Variants in TBCK observed in about 807,000 individuals in gnomAD.
The protein encoded by TBCK is TBC domain-containing protein kinase-like protein.
TBCK carries 99 observed loss-of-function variants against 113.4 expected under a neutral mutation model. That is an observed-to-expected ratio of 0.87 (90% CI 0.74 to 1.03). The LOEUF (loss-of-function observed/expected upper bound fraction) is 1.03, where lower values mean the gene tolerates loss of function less well. Among genes scored for constraint, TBCK ranks in the 50% least tolerant of loss-of-function variants. The pLI is 0.00. For missense variants in TBCK, 1,045 were observed against 1,061.3 expected (o/e 0.98, Z 0.21); for synonymous variants, 369 against 370.8 (o/e 1.00, Z 0.05).
chr4:106,110,761 A>G (rs1465568038), intron 24 of TBCK, among the ~76,000 whole-genome samples: 1 of 152,124 alleles, frequency 6.6e-6, no homozygotes, highest in Non-Finnish European at 1.5e-5. Flanking sequence ...AAGGGAAGGG[A>G]GGAAGAACTG....
chr4:106,258,207 T>C (rs1417286891), intron 5 of TBCK, among the ~76,000 whole-genome samples: 1 of 152,062 alleles, frequency 6.6e-6, no homozygotes, highest in Non-Finnish European at 1.5e-5. Flanking sequence ...ACCAGAACTT[T>C]GCTGTGAGTA....
intron 3 of TBCK, among the ~76,000 whole-genome samples, chr4:106,262,734 C>T (rs1405291473): frequency 1.3e-5 from 2 of 151,852 alleles, no homozygotes; most frequent in Non-Finnish European, 2.9e-5. Context: ...TAATTCTTAT[C>T]CTATCCTCTA....
chr4:106,235,565 T>A (rs1293535753), intron 14 of TBCK, among the ~76,000 whole-genome samples, 198 bp from the exon 15 acceptor site: 1 of 151,966 alleles, frequency 6.6e-6, no homozygotes, highest in African/African-American at 2.4e-5. Flanking sequence ...CTTGAAAAAC[T>A]CGTATTATAT....
At chr4:106,214,446 CA>C (rs1422686217) in intron 19 of TBCK, among the ~76,000 whole-genome samples, 9 of 151,398 alleles carry the variant, frequency 5.9e-5, no homozygotes, top group African/African-American at 2.2e-4. Flanking sequence ...AAACCAAAGG[CA>C]AAGAAGTTGA....
chr4:106,092,927 A>G lies in TBCK; in HGVS notation c.2571+2555T>C, dbSNP rs191941884. Among the ~76,000 whole-genome samples, 232 of 152,208 alleles carry G rather than the reference A, an allele frequency of 1.5e-3. 1 individual carries two copies. The highest frequency in any genetic ancestry group is 5.2e-3 in the African/African-American group (215 of 41,480). ...GGTGCCAAGAGTGAGCGAGGGCTGC[A>G]AGGGCTGCCAGCATGCTGTCACCTC... On this transcript the variant is annotated intron_variant, in intron 25 of 25. Coordinates refer to ENST00000394708, the MANE Select transcript of TBCK (RefSeq NM_001163435.3).
At chr4:106,220,729 C>G (rs1168008827) in intron 19 of TBCK, among the ~76,000 whole-genome samples, 1 of 152,132 alleles carries the variant, frequency 6.6e-6, no homozygotes, top group African/African-American at 2.4e-5. Context: ...AAAAAAGGTA[C>G]AATTTACATC....
intron 19 of TBCK, among the ~76,000 whole-genome samples, chr4:106,217,349 T>G (rs917365073): frequency 3.3e-5 from 5 of 152,074 alleles, no homozygotes; most frequent in African/African-American, 1.2e-4. Flanking sequence ...TTCAACATAG[T>G]GTTGGAAGTT....
intron 21 of TBCK, 48 bp from the exon 22 acceptor site, chr4:106,193,818 T>C: frequency 8.0e-7 from 1 of 1,247,756 alleles, no homozygotes; most frequent in East Asian, 2.6e-5. Context: ...AAAATAACAA[T>C]TAAAACAATA....
intron 23 of TBCK, among the ~76,000 whole-genome samples, chr4:106,159,914 T>C (rs374839622): frequency 7.9e-5 from 12 of 152,116 alleles, no homozygotes; most frequent in African/African-American, 2.9e-4. Context: ...AGTATGATAC[T>C]GGCATAAAGG....
chr4:106,101,887 A>G (rs566006792), intron 24 of TBCK, among the ~76,000 whole-genome samples: 1 of 152,338 alleles, frequency 6.6e-6, no homozygotes, highest in African/African-American at 2.4e-5. Context: ...TTGCTTGTGT[A>G]TTACCATGGA....
At chr4:106,204,802 A>C (rs1247842706) in intron 20 of TBCK, among the ~76,000 whole-genome samples, 1 of 119,026 alleles carries the variant, frequency 8.4e-6, no homozygotes, top group African/African-American at 3.3e-5. Flanking sequence ...TCTGTCGCCC[A>C]GGCCGGACTG....
chr4:106,105,885 C>T (rs1742091383), intron 24 of TBCK, among the ~76,000 whole-genome samples: 1 of 152,148 alleles, frequency 6.6e-6, no homozygotes, highest in African/African-American at 2.4e-5. Flanking sequence ...ATCAGTCCTC[C>T]AACAAGAGTT....
At chr4:106,249,035 C>A in intron 7 of TBCK, 53 bp from the exon 8 acceptor site, 1 of 1,336,040 alleles carries the variant, frequency 7.5e-7, no homozygotes, top group Non-Finnish European at 1.0e-6. Context: ...ATCTGTCCAA[C>A]AAACCAGAAA....
intron 23 of TBCK, among the ~76,000 whole-genome samples, chr4:106,156,310 C>T (rs1272866041): frequency 6.6e-6 from 1 of 152,172 alleles, no homozygotes; most frequent in South Asian, 2.1e-4. Flanking sequence ...TGGTACCACA[C>T]TGAATCAGAC....
chr4:106,219,723 T>G (rs1038649762), intron 19 of TBCK, among the ~76,000 whole-genome samples: 1 of 151,986 alleles, frequency 6.6e-6, no homozygotes, highest in Non-Finnish European at 1.5e-5. Flanking sequence ...TTTTTAAATA[T>G]AGACTGGGTT....
chr4:106,092,857 G>GA (rs1394523124), intron 25 of TBCK, among the ~76,000 whole-genome samples: 1 of 152,212 alleles, frequency 6.6e-6, no homozygotes, highest in Non-Finnish European at 1.5e-5. Flanking sequence ...GTGGCGAGCT[G>GA]AAGGGCTCCT....
chr4:106,082,686 T>G (rs1739023405), intron 25 of TBCK, among the ~76,000 whole-genome samples: 1 of 152,166 alleles, frequency 6.6e-6, no homozygotes, highest in South Asian at 2.1e-4. Context: ...GATGGCTGAC[T>G]AGAAGCAGCA....
chr4:106,170,158 A>C (rs1415073060), intron 23 of TBCK, among the ~76,000 whole-genome samples: 1 of 152,112 alleles, frequency 6.6e-6, no homozygotes, highest in Non-Finnish European at 1.5e-5. Context: ...AATTCATTAC[A>C]TGGAAATATC....
intron 23 of TBCK, among the ~76,000 whole-genome samples, chr4:106,166,238 ATATTT>A (rs1750358367): frequency 6.6e-6 from 1 of 151,760 alleles, no homozygotes; most frequent in Non-Finnish European, 1.5e-5. Flanking sequence ...AAAATCAAAA[ATATTT>A]TATGTACAGA....
Sources: allele counts gnomAD v4.1 joint callset (sites outside exome capture counted in the v4.1 genomes callset), GRCh38; gene constraint gnomAD v4.1.1; transcripts MANE v1.5; gene names NCBI Gene and HGNC (gene_info 2026-07-23, HGNC 2026-07-21).